TIAM2: variants seen among roughly 807,000 people sequenced by gnomAD.
The protein encoded by TIAM2 is rho guanine nucleotide exchange factor TIAM2.
In TIAM2, 80 loss-of-function variants were observed where a neutral mutation model predicts 152.9. The observed-to-expected ratio is 0.52, with a 90% CI of 0.44 to 0.63. TIAM2 has a LOEUF of 0.63. Among genes scored for constraint, TIAM2 ranks in the 30% least tolerant of loss-of-function variants. The pLI is 0.00. For missense variants in TIAM2, 1,965 were observed against 2,120.1 expected (o/e 0.93, Z 1.44); for synonymous variants, 804 against 838.0 (o/e 0.96, Z 0.70).
intron 2 of TIAM2, among the ~76,000 whole-genome samples, chr6:155,104,486 G>A (rs952025602): frequency 4.6e-5 from 7 of 152,100 alleles, no homozygotes; most frequent in African/African-American, 1.7e-4. Flanking sequence ...TGGCCGGCAC[G>A]GTGGGTCACA....
At position 155,183,370 on chromosome 6, in the gene TIAM2, A is replaced by G; in HGVS notation, c.2934A>G (p.Lys978=). The G allele has an allele frequency of 6.2e-7, 1 of 1,613,226 alleles. No individual in the cohort carries two copies. Among genetic ancestry groups the G allele is most frequent in the Non-Finnish European group, 8.5e-7 (1 of 1,179,750 alleles). ...TGATTGCCCGGCCTCCGGACACAAA[A>G]GCAACCCTGTGTACATCCTGGTCAG... ...LTLIARPPDT[K]ATLCTSWSDS... Residue 978 remains lysine (K), a synonymous_variant, in exon 14 of 27, where the codon AAA becomes AAG. Transcript: ENST00000682666.
In TIAM2 at chr6:155,187,573, CTT is replaced by C. The variant is rs59818801; in HGVS notation, c.3064+4095_3064+4096del. ...AACCCCCCCTCCCCCACCCCGCCCC[CTT>C]TTTTTTTTTTTTTTTTTTTTTGAGA... On this transcript the variant is annotated intron_variant, in intron 14 of 26. Coordinates refer to ENST00000682666, the MANE Select transcript of TIAM2 (RefSeq NM_012454.4). 3.9e-3 allele frequency among the ~76,000 whole-genome samples: 192 copies of C among 49,572 alleles called. 2 individuals carry two copies. Among genetic ancestry groups the C allele is most frequent in the African/African-American group, 0.014 (181 of 12,620 alleles). The allele number at this position is 49,572 out of a possible 152,430, so 32.5% of individuals were successfully genotyped here. A position where few individuals can be genotyped will look rare whatever the true frequency, so the allele number is the denominator to read the frequency against.
intron 1 of TIAM2, among the ~76,000 whole-genome samples, chr6:155,065,896 C>T (rs982715230): frequency 1.3e-5 from 2 of 152,132 alleles, no homozygotes; most frequent in Non-Finnish European, 2.9e-5. Flanking sequence ...TGCTGGGAAG[C>T]CGGTTGTGCT....
rs140329050 is a variant in TIAM2, at chr6:155,243,073, G to A, written c.3349-938G>A. On this transcript the variant is annotated intron_variant, in intron 16 of 26. Coordinates refer to ENST00000682666, the MANE Select transcript of TIAM2 (RefSeq NM_012454.4). The stretch of plus-strand genomic sequence containing the variant: ...TTCAAATTATTAAACAAAATCTTTC[G>A]CTCATGGGTTTTGTAACTGCAGTCT... 2.2e-3 allele frequency among the ~76,000 whole-genome samples: 340 copies of A among 152,072 alleles called. 2 individuals are homozygous for A. Among genetic ancestry groups the A allele is most frequent in the African/African-American group, 7.9e-3 (328 of 41,492 alleles).
rs149345342 is a variant in TIAM2, at chr6:155,203,329, T to C, written c.3065-7875T>C. Among the ~76,000 whole-genome samples the C allele has an allele frequency of 3.6e-3, 553 of 152,284 alleles. 3 individuals carry two copies. Among genetic ancestry groups the C allele is most frequent in the African/African-American group, 0.013 (532 of 41,556 alleles). The stretch of plus-strand genomic sequence containing the variant: ...AGATACATAAAATGAAGGAATTGAA[T>C]AGGGTGATTTCTGAGTTTCTTTTCT... On this transcript the variant is annotated intron_variant, in intron 14 of 26. Transcript: ENST00000682666.
intron 4 of TIAM2, among the ~76,000 whole-genome samples, chr6:155,135,369 A>G (rs1779533568): frequency 6.6e-6 from 1 of 152,220 alleles, no homozygotes; most frequent in Non-Finnish European, 1.5e-5. Context: ...ATGGTCCTTG[A>G]CCCAGTTTTC....
At chr6:155,005,622 G>A (rs1324281221) in intron 1 of TIAM2, among the ~76,000 whole-genome samples, 1 of 151,316 alleles carries the variant, frequency 6.6e-6, no homozygotes, top group Non-Finnish European at 1.5e-5. Context: ...TTACAGGGGT[G>A]AGCCACCTCA....
intron 1 of TIAM2, among the ~76,000 whole-genome samples, chr6:155,072,251 C>T (rs896497363): frequency 6.6e-6 from 1 of 152,130 alleles, no homozygotes; most frequent in Non-Finnish European, 1.5e-5. Context: ...AGAATTTTCC[C>T]CTGGCTGCTG....
At chr6:155,022,145 G>C (rs1456743714) in intron 1 of TIAM2, among the ~76,000 whole-genome samples, 1 of 152,122 alleles carries the variant, frequency 6.6e-6, no homozygotes, top group African/African-American at 2.4e-5. Context: ...CTCACAACTT[G>C]ATAATTTTCT....
At chr6:155,236,623 A>G (rs1782774076) in intron 15 of TIAM2, among the ~76,000 whole-genome samples, 1 of 152,208 alleles carries the variant, frequency 6.6e-6, no homozygotes, top group Non-Finnish European at 1.5e-5. Context: ...AGATCGTGCC[A>G]CTGCACTCCA....
In TIAM2 at chr6:155,186,856, G is replaced by A. The variant is rs1000624947; in HGVS notation, c.3064+3356G>A. Among the ~76,000 whole-genome samples the A allele has an allele frequency of 1.3e-5, 2 of 152,022 alleles. No individual in the cohort carries two copies. Among genetic ancestry groups the A allele is most frequent in the Admixed American group, 6.6e-5 (1 of 15,266 alleles). ...TTTGAATTATAACTTAGCAGTGGCC[G>A]GCCATTTGAGAGCCTGCCTTTCCCT... On this transcript the variant is annotated intron_variant, in intron 14 of 26. Transcript: ENST00000682666. The surrounding 1 kb of genome is among the most constrained non-coding windows in gnomAD (Gnocchi z 4.5).
Position 155,211,296 on chromosome 6 carries a change from C to T in TIAM2, c.3157C>T (p.Gln1053Ter), listed in dbSNP as rs552342373. Reference protein sequence around the residue: ...DQVSHREKMEQTFRSAEQITA... With the variant: ...DQVSHREKME ...GGTTTCCCACAGGGAGAAAATGGAG[C>T]AGACATTCAGGGTAAGATACTGGCC... Residue 1053 changes from glutamine to a stop codon, truncating the protein, a stop_gained, in exon 15 of 27, where the codon CAG becomes TAG. Transcript: ENST00000682666. LOFTEE classifies it high-confidence loss of function. 6.2e-7 allele frequency: 1 copy of T among 1,613,068 alleles called. No homozygotes were observed. The highest frequency in any genetic ancestry group is 8.5e-7 in the Non-Finnish European group (1 of 1,179,228).
At chr6:154,996,835 G>C (rs2114830091) in intron 1 of TIAM2, among the ~76,000 whole-genome samples, 1 of 152,278 alleles carries the variant, frequency 6.6e-6, no homozygotes, top group Non-Finnish European at 1.5e-5. Flanking sequence ...GATTTTACCT[G>C]CTCACTTTAT....
At chr6:155,020,945 GT>G (rs1309555684) in intron 1 of TIAM2, among the ~76,000 whole-genome samples, 1 of 152,086 alleles carries the variant, frequency 6.6e-6, no homozygotes, top group Non-Finnish European at 1.5e-5. Context: ...GAATTTGACT[GT>G]TCTAGGCACC....
chr6:155,047,696 A>AGAGAG (rs1562300147), intron 1 of TIAM2, among the ~76,000 whole-genome samples: 6 of 13,778 alleles, frequency 4.4e-4, no homozygotes, highest in African/African-American at 1.7e-3. Flanking sequence ...GAGGAGAGAG[A>AGAGAG]GAGAGAGAGC....
At chr6:155,135,697 G>A (rs1388169544) in intron 4 of TIAM2, among the ~76,000 whole-genome samples, 2 of 152,068 alleles carry the variant, frequency 1.3e-5, no homozygotes, top group African/African-American at 4.8e-5. Flanking sequence ...TCCTCACAGG[G>A]AGCAACATTA....
chr6:155,098,341 C>G (rs985049269), intron 2 of TIAM2, among the ~76,000 whole-genome samples: 2 of 152,062 alleles, frequency 1.3e-5, no homozygotes, highest in East Asian at 3.8e-4. Flanking sequence ...AATGTGTCCT[C>G]TTTGGTTTAT....
chr6:155,048,778 T>C (rs1048344734), intron 1 of TIAM2, among the ~76,000 whole-genome samples: 2 of 151,960 alleles, frequency 1.3e-5, no homozygotes, highest in Non-Finnish European at 2.9e-5. Flanking sequence ...GAAGGAGATC[T>C]TGAAATCCTC....
intron 1 of TIAM2, among the ~76,000 whole-genome samples, chr6:155,057,285 C>T (rs1474350809): frequency 6.6e-6 from 1 of 151,634 alleles, no homozygotes; most frequent in Non-Finnish European, 1.5e-5. Context: ...GCGATTTGCC[C>T]GCCTCAGCCT....
Sources: allele counts gnomAD v4.1 joint callset (sites outside exome capture counted in the v4.1 genomes callset), GRCh38; gene constraint gnomAD v4.1.1; non-coding constraint Gnocchi (gnomAD v3.1); transcripts MANE v1.5; gene names NCBI Gene and HGNC (gene_info 2026-07-23, HGNC 2026-07-21).